Variants in DOCK1 observed in about 807,000 individuals in gnomAD.
DOCK1 encodes the protein dedicator of cytokinesis 1, also known as dedicator of cytokinesis protein 1.
DOCK1 carries 138 observed loss-of-function variants against 262.7 expected under a neutral mutation model. The observed-to-expected ratio is 0.53, with a 90% CI of 0.46 to 0.61. The LOEUF (loss-of-function observed/expected upper bound fraction) is 0.61, where lower values mean the gene tolerates loss of function less well. DOCK1 is among the 20% of genes least tolerant of loss of function. The pLI is 0.00. For missense variants in DOCK1, 1,908 were observed against 2,370.7 expected, an observed-to-expected ratio of 0.80 and a Z score of 4.05; for synonymous variants, 866 against 867.4, an observed-to-expected ratio of 1.00 and a Z score of 0.03.
At chr10:127,354,404 A>G (rs1160492439) in intron 31 of DOCK1, among the ~76,000 whole-genome samples, 2 of 152,214 alleles carry the variant, frequency 1.3e-5, no homozygotes, top group Non-Finnish European at 2.9e-5. Flanking sequence ...AGAAAGGGAA[A>G]TGCTTTCATG....
chr10:126,935,005 G>C (rs1283064775), intron 1 of DOCK1, among the ~76,000 whole-genome samples: 2 of 152,174 alleles, frequency 1.3e-5, no homozygotes, highest in East Asian at 3.9e-4. Context: ...AGCTACTCAG[G>C]AGGCTGAGGC....
At chr10:126,951,985 G>C (rs1384458710) in intron 1 of DOCK1, among the ~76,000 whole-genome samples, 1 of 151,852 alleles carries the variant, frequency 6.6e-6, no homozygotes, top group Non-Finnish European at 1.5e-5. Context: ...GAGTAGCTGG[G>C]ACTACAGATG....
chr10:127,251,648 T>G (rs2059648890), intron 28 of DOCK1, among the ~76,000 whole-genome samples: 1 of 149,978 alleles, frequency 6.7e-6, no homozygotes, highest in Non-Finnish European at 1.5e-5. Flanking sequence ...TTTTTGTCCT[T>G]GCAATAGTTT....
intron 13 of DOCK1, 151 bp from the exon 14 acceptor site, chr10:127,023,049 A>T: frequency 4.1e-6 from 4 of 982,414 alleles, no homozygotes; most frequent in South Asian, 1.9e-5. Flanking sequence ...TCATGTATTT[A>T]AATGGTGAGA....
At chr10:127,169,436 T>C (rs1251203754) in intron 27 of DOCK1, among the ~76,000 whole-genome samples, 1 of 152,226 alleles carries the variant, frequency 6.6e-6, no homozygotes, top group African/African-American at 2.4e-5. Flanking sequence ...GTCACACACC[T>C]TGGACTGCCT....
At chr10:126,906,162 G>GAGCGCCCC (rs1325559323) in intron 1 of DOCK1, among the ~76,000 whole-genome samples, 5 of 152,212 alleles carry the variant, frequency 3.3e-5, no homozygotes, top group Non-Finnish European at 7.3e-5. Context: ...GCGAGCGGCC[G>GAGCGCCCC]AGCGCCCCAG....
intron 21 of DOCK1, among the ~76,000 whole-genome samples, chr10:127,047,109 C>T (rs565298389): frequency 1.3e-5 from 2 of 152,216 alleles, no homozygotes; most frequent in Admixed American, 1.3e-4. Context: ...CAGTGCAGCT[C>T]AGTACATTAA....
At chr10:127,008,060 G>T (rs2041166761) in intron 10 of DOCK1, among the ~76,000 whole-genome samples, 1 of 152,108 alleles carries the variant, frequency 6.6e-6, no homozygotes, top group Non-Finnish European at 1.5e-5. Context: ...TGAAATAAAA[G>T]TAAATTTTCA....
chr10:127,175,461 TGCATCGGGGGTGA>T lies in DOCK1; in HGVS notation c.2847+47701_2847+47713del. 6.2e-7 allele frequency: 1 copy of T among 1,610,850 alleles called. No individual in the cohort carries two copies. The highest frequency in any genetic ancestry group is 8.5e-7 in the Non-Finnish European group (1 of 1,180,008). Reference sequence around the variant, plus strand: ...CTCACTACATTCGGGGGACAGGCACTGCATCGGGGGTGAGCAGGCCAGGGCAGTTTCCGAGGGC... The same window carrying T: ...CTCACTACATTCGGGGGACAGGCACTGCAGGCCAGGGCAGTTTCCGAGGGC... On this transcript the variant is annotated intron_variant, in intron 27 of 51. Transcript: ENST00000623213. This position sits in a 1 kb window ranked among gnomAD's most constrained non-coding sequence, Gnocchi z 6.3.
intron 23 of DOCK1, among the ~76,000 whole-genome samples, chr10:127,063,138 A>G (rs1485585259): frequency 2.6e-5 from 4 of 152,234 alleles, no homozygotes; most frequent in Non-Finnish European, 5.9e-5. Context: ...TCAAAGAACA[A>G]GAATCTTCCA....
intron 1 of DOCK1, among the ~76,000 whole-genome samples, chr10:126,951,702 T>C (rs1188833522): frequency 1.3e-5 from 2 of 152,070 alleles, no homozygotes; most frequent in East Asian, 3.9e-4. Flanking sequence ...TTACTAGTAT[T>C]GAGGCAGAAG....
intron 27 of DOCK1, 62 bp from the exon 28 acceptor site, chr10:127,247,946 T>C: frequency 6.6e-7 from 1 of 1,522,238 alleles, no homozygotes; most frequent in Non-Finnish European, 9.0e-7. Flanking sequence ...CTGGGATGAT[T>C]TCGGCTTTTC....
intron 29 of DOCK1, among the ~76,000 whole-genome samples, chr10:127,334,305 T>C (rs2063106834): frequency 6.6e-6 from 1 of 152,248 alleles, no homozygotes; most frequent in Non-Finnish European, 1.5e-5. Flanking sequence ...ATGTGTAGGC[T>C]ACAATTAAAC....
chr10:126,982,799 G>T (rs1276915012), intron 4 of DOCK1, among the ~76,000 whole-genome samples: 1 of 152,156 alleles, frequency 6.6e-6, no homozygotes, highest in Non-Finnish European at 1.5e-5. Flanking sequence ...TTTTTAGACA[G>T]ATAAAGTGTT....
chr10:127,005,568 G>A (rs1050631442), intron 10 of DOCK1, among the ~76,000 whole-genome samples: 8 of 152,068 alleles, frequency 5.3e-5, no homozygotes, highest in Non-Finnish European at 7.4e-5. Context: ...TGAAAAGAAT[G>A]TGTCACATTT....
intron 32 of DOCK1, among the ~76,000 whole-genome samples, chr10:127,357,390 G>C (rs1446019927): frequency 6.6e-6 from 1 of 152,188 alleles, no homozygotes; most frequent in Non-Finnish European, 1.5e-5. Context: ...CAGAAAGGGT[G>C]AGTTTCTCCG....
At position 127,420,189 on chromosome 10, in the gene DOCK1, G is replaced by A. The variant is rs868190630; in HGVS notation, c.4776+440G>A. Among the ~76,000 whole-genome samples the A allele has an allele frequency of 5.9e-5, 9 of 152,322 alleles. 1 individual carries two copies. Among genetic ancestry groups the A allele is most frequent in the South Asian group, 2.1e-4 (1 of 4,826 alleles). ...CCCTGTTCTCCGTGCACCTCTGGCG[G>A]TGGTGTGCGTCCTCATCTGTGTTTT... On this transcript the variant is annotated intron_variant, in intron 46 of 51. Transcript: ENST00000623213.
At position 127,176,171 on chromosome 10, in the gene DOCK1, G is replaced by C; in HGVS notation, c.2847+48407G>C. ...AGGCTGCTCTGCAGGACACGGGCTTGGCCTCCCGCTTCTCCCCCAGCTGGC... is the reference window on the plus strand; with the variant it reads ...AGGCTGCTCTGCAGGACACGGGCTTCGCCTCCCGCTTCTCCCCCAGCTGGC... On this transcript the variant is annotated intron_variant, in intron 27 of 51. Transcript: ENST00000623213. This position sits in a 1 kb window ranked among gnomAD's most constrained non-coding sequence, Gnocchi z 4.4. 1.2e-6 allele frequency: 2 copies of C among 1,614,096 alleles called. No homozygotes were observed. Among genetic ancestry groups the C allele is most frequent in the Non-Finnish European group, 1.7e-6 (2 of 1,180,036 alleles).
intron 29 of DOCK1, among the ~76,000 whole-genome samples, chr10:127,334,018 A>G (rs1045233379): frequency 6.6e-6 from 1 of 152,054 alleles, no homozygotes; most frequent in Non-Finnish European, 1.5e-5. Context: ...CTTGAGCAAC[A>G]TTTTTTTTGT....
Sources: allele counts gnomAD v4.1 joint callset (sites outside exome capture counted in the v4.1 genomes callset), GRCh38; gene constraint gnomAD v4.1.1; non-coding constraint Gnocchi (gnomAD v3.1); transcripts MANE v1.5; gene names NCBI Gene and HGNC (gene_info 2026-07-23, HGNC 2026-07-21).